Variants in C22orf42 observed in about 807,000 individuals in gnomAD.
The protein encoded by C22orf42 is chromosome 22 open reading frame 42, also known as uncharacterized protein C22orf42.
In C22orf42, 24 loss-of-function variants were observed where a neutral mutation model predicts 31.4. That is an observed-to-expected ratio of 0.77 (90% confidence interval 0.55 to 1.08). The LOEUF is 1.08. C22orf42 is among the 50% of genes least tolerant of loss of function. The pLI is 0.00. For synonymous variants in C22orf42, 96 were observed against 112.7 expected, an observed-to-expected ratio of 0.85 and a Z score of 0.94; for missense variants, 276 against 327.3, an observed-to-expected ratio of 0.84 and a Z score of 1.21.
intron 4 of C22orf42, among the ~76,000 whole-genome samples, chr22:32,151,786 C>T (rs2149511652): frequency 6.6e-6 from 1 of 152,280 alleles, no homozygotes; most frequent in Non-Finnish European, 1.5e-5. Context: ...GTGAAATAGT[C>T]ACCCTAAGAA....
rs1339989684 is a variant in C22orf42, at chr22:32,151,487, A to G, written c.465T>C (p.Ile155=). The G allele has an allele frequency of 1.2e-6, 2 of 1,612,948 alleles. No homozygotes were observed. The highest frequency in any genetic ancestry group is 3.3e-5 in the Admixed American group (2 of 60,026). The change falls in exon 5 of 9, where the codon ATT becomes ATC. Residue 155 remains isoleucine, a splice_region_variant and synonymous_variant. Coordinates refer to ENST00000382097, the MANE Select transcript of C22orf42 (RefSeq NM_001010859.3). The stretch of plus-strand genomic sequence containing the variant: ...TTCCAGAGAAAGAAATACATCTTAC[A>G]ATATCTGACGTTATATTCTCCTCCA... ...GGVEENITSD[I]EISEAKHDHH...
At chr22:32,160,136 A>T (rs537524050), upstream of C22orf42, 20 of 152,312 alleles carry the variant, frequency 1.3e-4, 1 homozygote, top group African/African-American at 4.1e-4. Context: ...GATTTTGCAG[A>T]ATCAATCTAG....
At position 32,149,482 on chromosome 22, in the gene C22orf42, TA is replaced by T; in HGVS notation, c.*57del. ...TCACCCAGATGGAAATATGCATTCA[TA>T]AAATGATTTGAGCTGGGCGTGATGG... On this transcript the variant is annotated 3_prime_UTR_variant, in exon 9 of 9. Transcript: ENST00000382097. 6.9e-7 allele frequency: 1 copy of T among 1,456,506 alleles called. No individual in the cohort carries two copies. 90.2% of individuals were successfully genotyped at this position (1,456,506 alleles called of 1,614,324 possible).
intron 2 of C22orf42, among the ~76,000 whole-genome samples, chr22:32,153,442 G>A (rs1921077371): frequency 6.6e-6 from 1 of 152,200 alleles, no homozygotes; most frequent in South Asian, 2.1e-4. Flanking sequence ...GAACACATCT[G>A]TGCTCACAAT....
intron 4 of C22orf42, among the ~76,000 whole-genome samples, chr22:32,151,764 A>G (rs1471093313): frequency 2.0e-5 from 3 of 152,200 alleles, no homozygotes; most frequent in Non-Finnish European, 2.9e-5. Flanking sequence ...CAGCTAGGGC[A>G]ACCTCATGAA....
chr22:32,153,574 C>A (rs1921087983), intron 2 of C22orf42, among the ~76,000 whole-genome samples: 2 of 142,976 alleles, frequency 1.4e-5, no homozygotes, highest in African/African-American at 3.1e-5. Context: ...TGATTAATAT[C>A]TTTTCAAAAA....
At chr22:32,154,888 G>T (rs895269052) in intron 1 of C22orf42, among the ~76,000 whole-genome samples, 2 of 152,152 alleles carry the variant, frequency 1.3e-5, no homozygotes, top group African/African-American at 2.4e-5. Flanking sequence ...TATGGCTCCC[G>T]GGCAGGGGAG....
Position 32,150,976 on chromosome 22 carries a change from A to T in C22orf42, c.493+16T>A, listed in dbSNP as rs562690680. The T allele has an allele frequency of 2.5e-5, 39 of 1,529,840 alleles. No homozygotes were observed. Among genetic ancestry groups the T allele is most frequent in the East Asian group, 1.4e-4 (6 of 43,198 alleles). 94.8% of individuals were successfully genotyped at this position (1,529,840 alleles called of 1,614,324 possible). Reference sequence around the variant, plus strand: ...CAACTACACGTAAATAAAGCTGTTTAAAAAAAAATACGTACGGTGGTCGTG... The same window carrying T: ...CAACTACACGTAAATAAAGCTGTTTTAAAAAAAATACGTACGGTGGTCGTG... On this transcript the variant is annotated intron_variant, in intron 6 of 8. Coordinates refer to ENST00000382097, the MANE Select transcript of C22orf42 (RefSeq NM_001010859.3).
Position 32,149,846 on chromosome 22 carries a change from A to G in C22orf42, c.655-66T>C, listed in dbSNP as rs1411244575. 20 of 1,287,184 alleles carry G rather than the reference A, an allele frequency of 1.6e-5. No homozygotes were observed. In the Admixed American group the frequency reaches 2.4e-4, roughly 15 times the overall value. The allele number at this position is 1,287,184 out of a possible 1,614,324, so 79.7% of individuals were successfully genotyped here. On this transcript the variant is annotated intron_variant, in intron 7 of 8. Transcript: ENST00000382097. ...TGCTGGGCCCTGTTGGCACAGGTCT[A>G]TTATTCACTTGGTGACGTAGAAAAC...
In C22orf42 at chr22:32,151,532, C is replaced by G; in HGVS notation, c.420G>C (p.Gln140His). The change falls in exon 5 of 9, where the codon CAG becomes CAC. Residue 140 changes from glutamine (Q) to histidine (H), a missense_variant. Gln to His is a conservative substitution (Grantham distance 24). Transcript: ENST00000382097. ...KHDHRPTEDVQVSAHGGVEEN... is the reference protein window; with the variant it reads ...KHDHRPTEDVHVSAHGGVEEN... ...CCTCCACACCGCCGTGTGCAGACACCTGCACATCTTCAGTGGGACCTAGGA... is the reference window on the plus strand; with the variant it reads ...CCTCCACACCGCCGTGTGCAGACACGTGCACATCTTCAGTGGGACCTAGGA... 3 of 1,613,830 alleles carry G rather than the reference C, an allele frequency of 1.9e-6. No homozygotes were observed. Among genetic ancestry groups the G allele is most frequent in the Non-Finnish European group, 2.5e-6 (3 of 1,179,706 alleles).
chr22:32,151,639 T>C (rs5998254), intron 4 of C22orf42, 88 bp from the exon 5 acceptor site: 485,357 of 1,324,546 alleles, frequency 0.37, 97,072 homozygotes, highest in African/African-American at 0.8. Flanking sequence ...GGGGCTGGAG[T>C]GTGTGGAGGT....
chr22:32,150,009 A>G, intron 7 of C22orf42: 1 of 478,278 alleles, frequency 2.1e-6, no homozygotes, highest in Non-Finnish European at 3.8e-6. Flanking sequence ...TTCAAGAAGA[A>G]AAAGTTGCTA....
chr22:32,159,801 C>T (rs577643977), upstream of C22orf42: 111 of 158,472 alleles, frequency 7.0e-4, no homozygotes, highest in Non-Finnish European at 1.1e-3. Flanking sequence ...GTGATGACTG[C>T]GACTTGAATG....
chr22:32,150,826 A>C (rs2094111789), intron 6 of C22orf42, 166 bp downstream of exon 6: 1 of 703,588 alleles, frequency 1.4e-6, no homozygotes, highest in Non-Finnish European at 2.5e-6. Flanking sequence ...AGTGACTACT[A>C]GTGGGGTTTC....
At chr22:32,158,311 C>G (rs1877374806) in intron 1 of C22orf42, among the ~76,000 whole-genome samples, 2 of 152,156 alleles carry the variant, frequency 1.3e-5, no homozygotes, top group African/African-American at 2.4e-5. Flanking sequence ...TGAAGAGACA[C>G]TCATGTCAAA....
intron 8 of C22orf42, 41 bp from the exon 9 acceptor site, chr22:32,149,654 T>TATA: frequency 9.1e-7 from 1 of 1,096,084 alleles, no homozygotes; most frequent in Non-Finnish European, 1.2e-6. Context: ...AAAAAAAATA[T>TATA]ATATATATAT....
At chr22:32,158,913 A>G (rs1028252783) in intron 1 of C22orf42, 71 bp downstream of exon 1, 3 of 1,530,790 alleles carry the variant, frequency 2.0e-6, no homozygotes, top group Non-Finnish European at 2.7e-6. Context: ...AGGGTGAGGG[A>G]CTGCAAAGGG....
At chr22:32,157,032 A>G (rs1466951885) in intron 1 of C22orf42, among the ~76,000 whole-genome samples, 1 of 152,230 alleles carries the variant, frequency 6.6e-6, no homozygotes, top group Non-Finnish European at 1.5e-5. Flanking sequence ...TAGGAGAGAC[A>G]CTGCAGTATA....
intron 1 of C22orf42, among the ~76,000 whole-genome samples, chr22:32,155,853 C>T (rs546975159): frequency 1.0e-3 from 157 of 152,182 alleles, no homozygotes; most frequent in Non-Finnish European, 1.8e-3. Flanking sequence ...GGCAACATAG[C>T]GAGACCTCTT....
Sources: gnomAD v4.1 joint callset for allele counts (sites outside exome capture counted in the v4.1 genomes callset) on GRCh38, gnomAD v4.1.1 for gene constraint, MANE v1.5 for transcripts, NCBI Gene and HGNC (gene_info 2026-07-23, HGNC 2026-07-21) for gene names.